The following CRTC3 variants were observed in gnomAD, a reference collection of about 807,000 sequenced individuals.
The protein encoded by CRTC3 is CREB-regulated transcription coactivator 3.
In CRTC3, 26 loss-of-function variants were observed where a neutral mutation model predicts 74.5. That is an observed-to-expected ratio of 0.35 (90% CI 0.26 to 0.48). The LOEUF (loss-of-function observed/expected upper bound fraction) is 0.48, where lower values mean the gene tolerates loss of function less well. Among genes scored for constraint, CRTC3 ranks in the 20% least tolerant of loss-of-function variants. The pLI is 0.99. For missense variants in CRTC3, 760 were observed against 787.3 expected (o/e 0.97, Z 0.41); for synonymous variants, 377 against 325.8 (o/e 1.16, Z -1.69).
chr15:90,602,841 G>GC (rs113318342), intron 4 of CRTC3, among the ~76,000 whole-genome samples: 6,516 of 151,996 alleles, frequency 0.043, 282 homozygotes, highest in East Asian at 0.11. Context: ...GGGCATGACA[G>GC]CACATGCCTG....
chr15:90,545,328 G>A, intron 2 of CRTC3, among the ~76,000 whole-genome samples: 1 of 151,990 alleles, frequency 6.6e-6, no homozygotes, highest in East Asian at 1.9e-4. Flanking sequence ...TCTCTTCAAG[G>A]CTCTGCTTTC....
chr15:90,631,322 T>C (rs1292977351), intron 11 of CRTC3, among the ~76,000 whole-genome samples: 1 of 152,198 alleles, frequency 6.6e-6, no homozygotes, highest in African/African-American at 2.4e-5. Flanking sequence ...CTCCCTTGCC[T>C]TGAATTCCTG....
chr15:90,605,635 A>G (rs903001615), intron 5 of CRTC3, among the ~76,000 whole-genome samples: 5 of 152,112 alleles, frequency 3.3e-5, no homozygotes, highest in African/African-American at 4.8e-5. Flanking sequence ...ATCTGAACCC[A>G]GGTCTCTCTG....
At chr15:90,634,366 A>G (rs570812467) in intron 11 of CRTC3, among the ~76,000 whole-genome samples, 2 of 152,254 alleles carry the variant, frequency 1.3e-5, no homozygotes, top group Non-Finnish European at 2.9e-5. Flanking sequence ...CACCCACCTC[A>G]GCCTCCCAAA....
intron 9 of CRTC3, among the ~76,000 whole-genome samples, chr15:90,621,798 T>G (rs961619551): frequency 1.3e-5 from 2 of 152,208 alleles, no homozygotes; most frequent in African/African-American, 4.8e-5. Flanking sequence ...GCTTTCTTGC[T>G]CTTACTTTAC....
chr15:90,591,372 C>T (rs879622563), intron 2 of CRTC3, among the ~76,000 whole-genome samples: 15 of 151,940 alleles, frequency 9.9e-5, no homozygotes, highest in Non-Finnish European at 1.5e-4. Context: ...CTCCCACCTC[C>T]GCCTCCCAAA....
chr15:90,576,838 G>A lies in CRTC3; in HGVS notation c.232-16798G>A, dbSNP rs1967416355. ...GGAAATTTCGGTGGAGCAGAGGGAT[G>A]GGGGCTGAGGTCTGTGGGAGTTGAG... On this transcript the variant is annotated intron_variant, in intron 2 of 14. Transcript: ENST00000268184. 2.0e-5 allele frequency among the ~76,000 whole-genome samples: 3 copies of A among 151,966 alleles called. No homozygotes were observed. In the South Asian group the frequency reaches 6.2e-4, roughly 32 times the overall value.
At chr15:90,591,416 A>T (rs976853095) in intron 2 of CRTC3, among the ~76,000 whole-genome samples, 6 of 152,118 alleles carry the variant, frequency 3.9e-5, no homozygotes, top group Admixed American at 3.9e-4. Flanking sequence ...CACTGCACCC[A>T]GCTAGAAAAT....
chr15:90,533,855 G>C (rs1456057783), intron 1 of CRTC3, among the ~76,000 whole-genome samples: 3 of 152,090 alleles, frequency 2.0e-5, no homozygotes, highest in South Asian at 2.1e-4. Flanking sequence ...CAGGGGGAGT[G>C]GGGGAGGCAT....
Position 90,547,221 on chromosome 15 carries a change from A to G in CRTC3, c.231+7084A>G, listed in dbSNP as rs143179087. On this transcript the variant is annotated intron_variant, in intron 2 of 14. Transcript: ENST00000268184. ...ACAAACATATGCATCCTCTCACATC[A>G]TTATCATTTCTTTTGTGGTGAGAAT... Among the ~76,000 whole-genome samples the G allele has an allele frequency of 8.5e-4, 129 of 152,268 alleles. 1 individual carries two copies. The highest frequency in any genetic ancestry group is 3.1e-3 in the African/African-American group (128 of 41,558).
At chr15:90,531,551 A>G (rs1966627311) in intron 1 of CRTC3, among the ~76,000 whole-genome samples, 1 of 152,204 alleles carries the variant, frequency 6.6e-6, no homozygotes, top group Non-Finnish European at 1.5e-5. Context: ...AAAAATATAT[A>G]TATAGAGAGA....
intron 2 of CRTC3, among the ~76,000 whole-genome samples, chr15:90,563,546 G>A (rs1967058791): frequency 6.6e-6 from 1 of 152,162 alleles, no homozygotes; most frequent in Admixed American, 6.5e-5. Flanking sequence ...AGCCTTGACC[G>A]AGCTTCTGCT....
At chr15:90,571,193 G>C (rs1042744142) in intron 2 of CRTC3, among the ~76,000 whole-genome samples, 2 of 152,184 alleles carry the variant, frequency 1.3e-5, no homozygotes, top group Non-Finnish European at 2.9e-5. Flanking sequence ...AGTCCAGTGG[G>C]AGAGGCAGAT....
In CRTC3 at chr15:90,644,352, A is replaced by G. The variant is rs887884505; in HGVS notation, c.*2212A>G. 16 of 230,500 alleles carry G rather than the reference A, an allele frequency of 6.9e-5. No homozygotes were observed. In the Admixed American group the frequency reaches 9.0e-4, roughly 13 times the overall value. The allele number at this position is 230,500 out of a possible 1,614,324, so 14.3% of individuals were successfully genotyped here. Reference sequence around the variant, plus strand: ...AACAGGCGATGGTGCTGATGTTTCAAGAATTGTGTTTTTATAAAACAGAGG... The same window carrying G: ...AACAGGCGATGGTGCTGATGTTTCAGGAATTGTGTTTTTATAAAACAGAGG... On this transcript the variant is annotated 3_prime_UTR_variant, in exon 15 of 15. Transcript: ENST00000268184.
At chr15:90,582,652 A>G (rs1967570281) in intron 2 of CRTC3, among the ~76,000 whole-genome samples, 1 of 152,242 alleles carries the variant, frequency 6.6e-6, no homozygotes. Context: ...ACAAAAAAAT[A>G]GAAAGCTAAG....
intron 2 of CRTC3, among the ~76,000 whole-genome samples, chr15:90,541,062 C>T (rs145905570): frequency 1.2e-3 from 179 of 152,268 alleles, no homozygotes; most frequent in African/African-American, 3.6e-3. Flanking sequence ...GTGCTTTCAT[C>T]GTTCACATCA....
chr15:90,565,264 G>A (rs1454260974), intron 2 of CRTC3, among the ~76,000 whole-genome samples: 1 of 152,110 alleles, frequency 6.6e-6, no homozygotes, highest in Non-Finnish European at 1.5e-5. Flanking sequence ...AGCTTTCTAA[G>A]TCTCGGTTTC....
Position 90,602,393 on chromosome 15 carries a change from A to G in CRTC3, c.413+8A>G. ...GGATGAGAGTTGGCCAAGGTAAGCA[A>G]GACATACTTTAAAAGATATGATGGG... On this transcript the variant is annotated splice_region_variant and intron_variant, in intron 4 of 14. Coordinates refer to ENST00000268184, the MANE Select transcript of CRTC3 (RefSeq NM_022769.5). 2.0e-6 allele frequency: 3 copies of G among 1,524,302 alleles called. No individual in the cohort carries two copies. The highest frequency in any genetic ancestry group is 2.7e-6 in the Non-Finnish European group (3 of 1,099,604). 94.4% of individuals were successfully genotyped at this position (1,524,302 alleles called of 1,614,324 possible).
chr15:90,537,360 A>G (rs992234656), intron 1 of CRTC3, among the ~76,000 whole-genome samples: 23 of 152,192 alleles, frequency 1.5e-4, no homozygotes, highest in African/African-American at 5.6e-4. Flanking sequence ...GTTGCAGGTT[A>G]CAAAGTCACA....
Sources: gnomAD v4.1 joint callset for allele counts (sites outside exome capture counted in the v4.1 genomes callset) on GRCh38, gnomAD v4.1.1 for gene constraint, MANE v1.5 for transcripts, NCBI Gene and HGNC (gene_info 2026-07-23, HGNC 2026-07-21) for gene names.